Variants in NMNAT2 observed in about 807,000 individuals in gnomAD.
NMNAT2 encodes the protein nicotinamide/nicotinic acid mononucleotide adenylyltransferase 2.
Under a neutral mutation model 41.6 loss-of-function variants are expected in NMNAT2, and 11 were observed. That is an observed-to-expected ratio of 0.26 (90% CI 0.17 to 0.44). The LOEUF (loss-of-function observed/expected upper bound fraction) is 0.44, where lower values mean the gene tolerates loss of function less well. Ranked by LOEUF, NMNAT2 falls within the 20% of genes least tolerant of loss-of-function variation. NMNAT2 has a pLI of 1.00. For missense variants in NMNAT2, 288 were observed against 407.7 expected (o/e 0.71, Z 2.53); for synonymous variants, 148 against 151.2 (o/e 0.98, Z 0.16).
intron 7 of NMNAT2, among the ~76,000 whole-genome samples, chr1:183,279,373 C>T (rs1436651928): frequency 1.3e-5 from 2 of 152,192 alleles, no homozygotes; most frequent in Non-Finnish European, 2.9e-5. Context: ...CTGAGAATAC[C>T]GTGAGGAGAG....
At chr1:183,369,258 CTTTTCTTTTTTTT>C (rs1442481521) in intron 1 of NMNAT2, among the ~76,000 whole-genome samples, 5 of 87,682 alleles carry the variant, frequency 5.7e-5, no homozygotes, top group Admixed American at 5.0e-4. Context: ...TTTTTCTTTT[CTTTTCTTTTTTTT>C]TTTTTATTAT....
intron 1 of NMNAT2, among the ~76,000 whole-genome samples, chr1:183,294,039 G>T (rs996118372): frequency 2.0e-5 from 3 of 152,222 alleles, no homozygotes; most frequent in African/African-American, 7.2e-5. Context: ...AAAGTCCTCT[G>T]TGGGAGGAGC....
rs1343607468 is a variant in NMNAT2 at position 183,260,016 on chromosome 1, G to A, written c.821+986C>T. 3.9e-5 allele frequency among the ~76,000 whole-genome samples: 6 copies of A among 152,294 alleles called. No individual in the cohort carries two copies. In the East Asian group the frequency reaches 1.2e-3, roughly 29 times the overall value. On this transcript the variant is annotated intron_variant, in intron 10 of 10. Transcript: ENST00000287713. ...CACTCAACATTTCCACTTTGGGTTT[G>A]TGGTAGAAACTGGTAACTGGCCCCT...
intron 1 of NMNAT2, among the ~76,000 whole-genome samples, chr1:183,341,122 A>T (rs530233954): frequency 6.6e-6 from 1 of 152,296 alleles, no homozygotes; most frequent in African/African-American, 2.4e-5. Flanking sequence ...CCCACCTAAG[A>T]GTAATAGCCA....
At position 183,284,715 on chromosome 1, in the gene NMNAT2, A is replaced by G; in HGVS notation, c.524T>C (p.Phe175Ser). The change falls in exon 6 of 11, where the codon TTT becomes TCT. Residue 175 changes from phenylalanine to serine, a missense_variant. Phe to Ser is a radical substitution (Grantham distance 155). Coordinates refer to ENST00000287713, the MANE Select transcript of NMNAT2 (RefSeq NM_015039.4). ...CAAGTTCCTTGGTTCCTCACCTACA[A>G]AGGTGAAACGCTCCACCGGCGGGCG... ...CVRPPVERFTFVDENANLGTV... is the reference protein window; with the variant it reads ...CVRPPVERFTSVDENANLGTV... 6.2e-7 allele frequency: 1 copy of G among 1,613,118 alleles called. No homozygotes were observed. The highest frequency in any genetic ancestry group is 8.5e-7 in the Non-Finnish European group (1 of 1,179,032).
At chr1:183,404,931 G>T (rs930837504) in intron 1 of NMNAT2, among the ~76,000 whole-genome samples, 1 of 152,090 alleles carries the variant, frequency 6.6e-6, no homozygotes, top group African/African-American at 2.4e-5. Flanking sequence ...CCAACTAAAA[G>T]GATCTCAGGC....
intron 1 of NMNAT2, among the ~76,000 whole-genome samples, chr1:183,340,942 G>A (rs1208697615): frequency 7.2e-5 from 11 of 152,234 alleles, no homozygotes; most frequent in African/African-American, 2.7e-4. Flanking sequence ...AGCTCACAAA[G>A]GCTCCACATG....
At chr1:183,307,745 G>T (rs1278895876) in intron 1 of NMNAT2, among the ~76,000 whole-genome samples, 1 of 152,120 alleles carries the variant, frequency 6.6e-6, no homozygotes, top group East Asian at 1.9e-4. Flanking sequence ...TTCAGCCTAA[G>T]TAAGTTTTGT....
intron 1 of NMNAT2, among the ~76,000 whole-genome samples, chr1:183,337,799 T>A (rs146894192): frequency 6.6e-6 from 1 of 152,174 alleles, no homozygotes; most frequent in Non-Finnish European, 1.5e-5. Flanking sequence ...TATTGCCATT[T>A]TCCAAGGGTC....
intron 1 of NMNAT2, among the ~76,000 whole-genome samples, chr1:183,339,862 G>A (rs1472727614): frequency 6.6e-6 from 1 of 152,126 alleles, no homozygotes; most frequent in African/African-American, 2.4e-5. Context: ...TCTGCCTCAG[G>A]TGGGTGTTGG....
At chr1:183,313,565 C>T (rs977761688) in intron 1 of NMNAT2, among the ~76,000 whole-genome samples, 5 of 152,128 alleles carry the variant, frequency 3.3e-5, no homozygotes, top group African/African-American at 9.7e-5. Context: ...CTGCAACCTC[C>T]GCCTCCTGGG....
At chr1:183,358,770 C>A (rs945727703) in intron 1 of NMNAT2, among the ~76,000 whole-genome samples, 2 of 152,176 alleles carry the variant, frequency 1.3e-5, no homozygotes, top group African/African-American at 2.4e-5. Context: ...TAAGAATGTG[C>A]AGCTTTCCTC....
intron 1 of NMNAT2, among the ~76,000 whole-genome samples, chr1:183,311,151 A>G (rs991400073): frequency 4.6e-5 from 7 of 151,986 alleles, no homozygotes; most frequent in Non-Finnish European, 1.5e-5. Flanking sequence ...GTTTTGACAA[A>G]CCAAATTCCA....
intron 1 of NMNAT2, among the ~76,000 whole-genome samples, chr1:183,341,897 C>T (rs372971196): frequency 6.6e-6 from 1 of 152,080 alleles, no homozygotes. Context: ...ATCTGTGCTC[C>T]ATTCTTTCCG....
chr1:183,396,028 G>A (rs1423737717), intron 1 of NMNAT2, among the ~76,000 whole-genome samples: 3 of 152,108 alleles, frequency 2.0e-5, no homozygotes, highest in African/African-American at 7.2e-5. Context: ...CTTTGTCCAT[G>A]GGTCTCTTTG....
In NMNAT2 at chr1:183,252,715, C is replaced by T. The variant is rs1167202874; in HGVS notation, c.850G>A (p.Val284Ile). Residue 284 changes from valine to isoleucine, a missense_variant, in exon 11 of 11, where the codon GTT becomes ATT. Physicochemically the swap from Val to Ile is conservative, Grantham distance 29 (BLOSUM62 3). Around this residue, in one of 3 missense-constraint regions of NMNAT2, gnomAD observed 181 missense variants for 213.7 expected, o/e 0.85. Coordinates refer to ENST00000287713, the MANE Select transcript of NMNAT2 (RefSeq NM_015039.4). Reference protein sequence around the residue: ...RLALQHGDGHVVDYLSQPVID... With the variant: ...RLALQHGDGHIVDYLSQPVID... ...ACCGGCTGGGACAGGTAATCCACAA[C>T]ATGGCCGTCCCCATGCTGCAGGGCC... 2 of 1,614,132 alleles carry T rather than the reference C, an allele frequency of 1.2e-6. No homozygotes were observed. Among genetic ancestry groups the T allele is most frequent in the South Asian group, 1.1e-5 (1 of 91,078 alleles).
chr1:183,400,394 C>T (rs1440591695), intron 1 of NMNAT2, among the ~76,000 whole-genome samples: 1 of 152,198 alleles, frequency 6.6e-6, no homozygotes, highest in Non-Finnish European at 1.5e-5. Flanking sequence ...CTACAAACCA[C>T]TGCTCAACGA....
intron 1 of NMNAT2, among the ~76,000 whole-genome samples, chr1:183,405,239 G>A (rs367857221): frequency 4.6e-5 from 7 of 151,868 alleles, no homozygotes; most frequent in African/African-American, 1.7e-4. Context: ...TGAAAGAAAG[G>A]ATCTCACCTT....
At chr1:183,283,644 G>A in intron 7 of NMNAT2, 1 of 352,046 alleles carries the variant, frequency 2.8e-6, no homozygotes, top group Non-Finnish European at 5.5e-6. Flanking sequence ...AGGCCGGGGT[G>A]CTCTTCTGCC....
Sources: gnomAD v4.1 joint callset for allele counts (sites outside exome capture counted in the v4.1 genomes callset) on GRCh38, gnomAD v4.1.1 for gene constraint, gnomAD v4.1.1 regional missense constraint, MANE v1.5 for transcripts, NCBI Gene and HGNC (gene_info 2026-07-23, HGNC 2026-07-21) for gene names.